The following AGBL4 variants were observed in gnomAD, a reference collection of about 807,000 sequenced individuals.
AGBL4 encodes cytosolic carboxypeptidase 6.
In AGBL4, 58 loss-of-function variants were observed where a neutral mutation model predicts 66.4. The observed-to-expected ratio is 0.87, with a 90% CI of 0.71 to 1.09. AGBL4 has a LOEUF of 1.09. AGBL4 is among the 50% of genes least tolerant of loss of function. The pLI, the probability that AGBL4 is intolerant of heterozygous loss-of-function variation, is 0.00. For synonymous variants in AGBL4, 234 were observed against 222.9 expected (o/e 1.05, Z -0.44); for missense variants, 579 against 631.0 (o/e 0.92, Z 0.88).
At chr1:49,667,091 A>G (rs985580744) in intron 3 of AGBL4, among the ~76,000 whole-genome samples, 9 of 152,174 alleles carry the variant, frequency 5.9e-5, no homozygotes, top group African/African-American at 2.2e-4. Flanking sequence ...AGAAACAAAT[A>G]ATATAATACA....
intron 4 of AGBL4, among the ~76,000 whole-genome samples, chr1:49,134,905 G>A (rs923656389): frequency 2.6e-5 from 4 of 151,966 alleles, no homozygotes; most frequent in Admixed American, 1.3e-4. Context: ...CTTCTGTCAC[G>A]GCTTCAGCAG....
chr1:48,988,641 G>A (rs190664006), intron 5 of AGBL4, among the ~76,000 whole-genome samples: 1 of 152,212 alleles, frequency 6.6e-6, no homozygotes, highest in East Asian at 1.9e-4. Context: ...GCCTGTGGCT[G>A]GGACAAATTA....
chr1:49,657,790 A>G (rs1343648538), intron 3 of AGBL4, among the ~76,000 whole-genome samples: 3 of 152,190 alleles, frequency 2.0e-5, no homozygotes, highest in African/African-American at 7.2e-5. Context: ...GGTGCTGGGA[A>G]AACTGGCTAG....
At chr1:49,889,500 T>C (rs1484543347) in intron 1 of AGBL4, among the ~76,000 whole-genome samples, 2 of 152,194 alleles carry the variant, frequency 1.3e-5, no homozygotes, top group African/African-American at 4.8e-5. Context: ...CAGGTTTCTA[T>C]AATCCCAGCT....
intron 3 of AGBL4, among the ~76,000 whole-genome samples, chr1:49,304,077 G>A (rs964672732): frequency 1.4e-4 from 21 of 152,266 alleles, no homozygotes; most frequent in African/African-American, 4.8e-4. Context: ...GCATGGTATT[G>A]CCTAGATTTT....
chr1:49,107,163 C>T (rs1645307842), intron 4 of AGBL4, among the ~76,000 whole-genome samples: 1 of 152,100 alleles, frequency 6.6e-6, no homozygotes, highest in Non-Finnish European at 1.5e-5. Context: ...TGGTCTTCAG[C>T]TGTGTACTTC....
intron 4 of AGBL4, among the ~76,000 whole-genome samples, chr1:49,071,092 C>T (rs1369467544): frequency 6.6e-6 from 1 of 151,644 alleles, no homozygotes; most frequent in African/African-American, 2.4e-5. Context: ...TGGTGATATC[C>T]CCTTTATCAT....
intron 3 of AGBL4, among the ~76,000 whole-genome samples, chr1:49,533,459 G>A (rs570158827): frequency 6.6e-5 from 10 of 151,894 alleles, no homozygotes; most frequent in Non-Finnish European, 1.0e-4. Context: ...TTGTTCTCCC[G>A]TTTCCATTTT....
intron 5 of AGBL4, 104 bp from the exon 6 acceptor site, chr1:48,867,334 A>C (rs898456905): frequency 1.8e-6 from 2 of 1,127,232 alleles, no homozygotes; most frequent in Non-Finnish European, 2.7e-6. Flanking sequence ...GACATACTGC[A>C]GGGTAAATCA....
At chr1:49,265,944 T>C (rs1338796515) in intron 3 of AGBL4, among the ~76,000 whole-genome samples, 3 of 152,116 alleles carry the variant, frequency 2.0e-5, no homozygotes, top group Non-Finnish European at 4.4e-5. Context: ...AACCAAAAAG[T>C]TGCCACCTAA....
intron 9 of AGBL4, among the ~76,000 whole-genome samples, chr1:48,608,573 A>ATG (rs1557825415): frequency 1.1e-3 from 160 of 140,666 alleles, no homozygotes; most frequent in African/African-American, 4.3e-3. Flanking sequence ...ATGGATGGAT[A>ATG]GATGGATGGA....
intron 9 of AGBL4, among the ~76,000 whole-genome samples, chr1:48,606,550 T>G (rs996865543): frequency 6.6e-6 from 1 of 152,212 alleles, no homozygotes; most frequent in African/African-American, 2.4e-5. Context: ...AGAAATCACC[T>G]TCTTGCCTCT....
chr1:49,770,016 A>G (rs1368425082), intron 2 of AGBL4, among the ~76,000 whole-genome samples: 1 of 152,134 alleles, frequency 6.6e-6, no homozygotes, highest in Non-Finnish European at 1.5e-5. Context: ...AAAACTATCA[A>G]CAGAGTAAAC....
intron 3 of AGBL4, among the ~76,000 whole-genome samples, chr1:49,359,317 T>A (rs1046567405): frequency 1.1e-4 from 16 of 152,298 alleles, no homozygotes; most frequent in Middle Eastern, 3.4e-3. Flanking sequence ...CTGTTTACTT[T>A]CAAACCTTAG....
At chr1:48,676,098 TG>T (rs1167408735) in intron 6 of AGBL4, among the ~76,000 whole-genome samples, 5 of 152,214 alleles carry the variant, frequency 3.3e-5, no homozygotes, top group Non-Finnish European at 7.3e-5. Flanking sequence ...TGGACAGACC[TG>T]GGTTTGAAGC....
At chr1:48,771,649 A>G (rs1644839789) in intron 6 of AGBL4, among the ~76,000 whole-genome samples, 1 of 152,188 alleles carries the variant, frequency 6.6e-6, no homozygotes, top group South Asian at 2.1e-4. Flanking sequence ...TTTTTCAAGA[A>G]AATAAATCCT....
chr1:48,628,379 C>T (rs1483744084), intron 9 of AGBL4, among the ~76,000 whole-genome samples: 1 of 152,142 alleles, frequency 6.6e-6, no homozygotes, highest in Non-Finnish European at 1.5e-5. Flanking sequence ...CTCTGATTTT[C>T]AAGACTGAGA....
intron 4 of AGBL4, among the ~76,000 whole-genome samples, chr1:49,128,171 T>G (rs1645804622): frequency 6.6e-6 from 1 of 151,984 alleles, no homozygotes; most frequent in Non-Finnish European, 1.5e-5. Context: ...CATGAACATC[T>G]GAGAGGAAAA....
At chr1:49,656,488 A>T (rs369507162) in intron 3 of AGBL4, among the ~76,000 whole-genome samples, 1 of 152,116 alleles carries the variant, frequency 6.6e-6, no homozygotes, top group Admixed American at 6.6e-5. Flanking sequence ...AAGAGGGAAT[A>T]CTCCCTAACT....
Sources: allele counts gnomAD v4.1 joint callset (sites outside exome capture counted in the v4.1 genomes callset), GRCh38; gene constraint gnomAD v4.1.1; transcripts MANE v1.5; gene names NCBI Gene and HGNC (gene_info 2026-07-23, HGNC 2026-07-21).